Variants in XDH observed in about 807,000 individuals in gnomAD.
XDH encodes xanthine dehydrogenase/oxidase.
A neutral mutation model predicts 156.1 loss-of-function variants in XDH; 138 were observed. The observed-to-expected ratio is 0.88, with a 90% CI of 0.77 to 1.02. The LOEUF (loss-of-function observed/expected upper bound fraction) is 1.02. Among genes scored for constraint, XDH ranks in the 50% least tolerant of loss-of-function variants. The pLI, the probability that XDH is intolerant of heterozygous loss-of-function variation, is 0.00. For missense variants in XDH, 1,849 were observed against 1,684.9 expected (o/e 1.10, Z -1.71); for synonymous variants, 669 against 625.7 (o/e 1.07, Z -1.03).
chr2:31,387,023 GGAAGGAAGGAAGGAAGGAAGGAGT>G (rs1686626736), intron 8 of XDH, among the ~76,000 whole-genome samples: 2 of 141,750 alleles, frequency 1.4e-5, no homozygotes, highest in African/African-American at 5.5e-5. Context: ...AAGGAAGGAA[GGAAGGAAGGAAGGAAGGAAGGAGT>G]TTGTTATAAG....
At chr2:31,390,068 C>T (rs1361862019) in intron 6 of XDH, among the ~76,000 whole-genome samples, 1 of 152,176 alleles carries the variant, frequency 6.6e-6, no homozygotes, top group African/African-American at 2.4e-5. Flanking sequence ...TGGTGTTGTA[C>T]ATTCCATTGG....
At chr2:31,342,035 T>C in intron 32 of XDH, 148 bp downstream of exon 32, 1 of 720,836 alleles carries the variant, frequency 1.4e-6, no homozygotes. Flanking sequence ...ACACTTACTC[T>C]GTGGCCCTTT....
intron 24 of XDH, among the ~76,000 whole-genome samples, chr2:31,359,170 C>T (rs753803983): frequency 1.6e-4 from 25 of 152,022 alleles, no homozygotes; most frequent in African/African-American, 5.8e-4. Context: ...GATGTGGAAT[C>T]CCTAAAGATT....
intron 18 of XDH, 148 bp downstream of exon 18, chr2:31,370,207 G>T: frequency 3.4e-6 from 3 of 891,148 alleles, no homozygotes; most frequent in Admixed American, 2.4e-5. Context: ...CTATCTTTTT[G>T]GATTGTCCTG....
Position 31,379,945 on chromosome 2 carries a change from G to T in XDH, c.1164C>A (p.Thr388=). The T allele has an allele frequency of 1.2e-6, 2 of 1,614,108 alleles. No individual in the cohort carries two copies. The highest frequency in any genetic ancestry group is 8.5e-7 in the Non-Finnish European group (1 of 1,180,024). ...GTRRTVQMDH[T]FFPGYRKTLL... ...GGGTCTTTCTGTAGCCAGGGAAGAAGGTGTGGTCCATCTGGACAGTTCTCC... is the reference window on the plus strand; with the variant it reads ...GGGTCTTTCTGTAGCCAGGGAAGAATGTGTGGTCCATCTGGACAGTTCTCC... Residue 388 remains threonine, a synonymous_variant, in exon 13 of 36, where the codon ACC becomes ACA. Coordinates refer to ENST00000379416, the MANE Select transcript of XDH (RefSeq NM_000379.4).
intron 1 of XDH, among the ~76,000 whole-genome samples, chr2:31,410,514 G>C (rs1687313297): frequency 6.6e-6 from 1 of 152,026 alleles, no homozygotes; most frequent in Non-Finnish European, 1.5e-5. Flanking sequence ...AATTATAAAG[G>C]TAAAGAAAAG....
intron 6 of XDH, among the ~76,000 whole-genome samples, chr2:31,389,442 G>A (rs768505929): frequency 3.3e-5 from 5 of 152,124 alleles, no homozygotes; most frequent in Non-Finnish European, 7.4e-5. Flanking sequence ...CCTCCCCCCA[G>A]CCAGCCACCT....
intron 20 of XDH, 133 bp from the exon 21 acceptor site, chr2:31,367,127 T>A: frequency 6.8e-7 from 1 of 1,477,974 alleles, no homozygotes; most frequent in Non-Finnish European, 9.2e-7. Flanking sequence ...CCTCAAGGTT[T>A]CCCACTTGGG....
rs369682422 is a variant in XDH, at chr2:31,350,564, T to C, written c.2632-341A>G. 1.9e-4 allele frequency among the ~76,000 whole-genome samples: 29 copies of C among 151,866 alleles called. No individual in the cohort carries two copies. The South Asian group carries it at 3.1e-3, about 16-fold the overall frequency. The stretch of plus-strand genomic sequence containing the variant: ...CTAATTTTTGTATTTTTAGTAGAGA[T>C]GGGGTTTCACCATGTTGGCCTGGAA... On this transcript the variant is annotated intron_variant, in intron 24 of 35. Coordinates refer to ENST00000379416, the MANE Select transcript of XDH (RefSeq NM_000379.4).
chr2:31,386,937 AG>A (rs1686616037), intron 8 of XDH, among the ~76,000 whole-genome samples: 2 of 107,016 alleles, frequency 1.9e-5, no homozygotes, highest in South Asian at 8.4e-4. Context: ...GGAGGGAGGG[AG>A]GGAGAGAGGG....
chr2:31,384,680 CT>C (rs1272816977), intron 9 of XDH, among the ~76,000 whole-genome samples: 7 of 152,212 alleles, frequency 4.6e-5, no homozygotes, highest in Non-Finnish European at 1.0e-4. Context: ...TTTGCCCCCC[CT>C]TCCCCCCAGG....
Position 31,335,897 on chromosome 2 carries a change from T to C in XDH, c.*61A>G. The C allele has an allele frequency of 3.8e-6, 6 of 1,560,714 alleles. No homozygotes were observed. Among genetic ancestry groups the C allele is most frequent in the Non-Finnish European group, 5.3e-6 (6 of 1,131,400 alleles). Reference sequence around the variant, plus strand: ...TAATAGATCCATGTTCTGTGGTATGTTCCTCCTGCTCCATGGAAGCCCAAA... The same window carrying C: ...TAATAGATCCATGTTCTGTGGTATGCTCCTCCTGCTCCATGGAAGCCCAAA... On this transcript the variant is annotated 3_prime_UTR_variant, in exon 36 of 36. Coordinates refer to ENST00000379416, the MANE Select transcript of XDH (RefSeq NM_000379.4).
intron 1 of XDH, 116 bp downstream of exon 1, chr2:31,414,509 G>C (rs1464733487): frequency 2.1e-6 from 3 of 1,447,582 alleles, no homozygotes; most frequent in African/African-American, 2.8e-5. Context: ...GAGAGAGAAA[G>C]ACAGAACAAG....
In XDH at chr2:31,401,302, G is replaced by A. The variant is rs778268852; in HGVS notation, c.224C>T (p.Ala75Val). ...IVHFSANACL[A>V]PICSLHHVAV... The stretch of plus-strand genomic sequence containing the variant: ...AACATGGTGCAAGGAGCAGATGGGG[G>A]CCAGGCAGGCATTGGCAGAAAAGTG... The change falls in exon 4 of 36, where the codon GCC (alanine) becomes GTC (valine). Residue 75 changes from alanine (A) to valine (V), a missense_variant. Transcript: ENST00000379416. 12 of 1,614,060 alleles carry A rather than the reference G, an allele frequency of 7.4e-6. No homozygotes were observed. Among genetic ancestry groups the A allele is most frequent in the Admixed American group, 3.3e-5 (2 of 60,002 alleles).
chr2:31,348,463 G>T, intron 27 of XDH, 100 bp from the exon 28 acceptor site: 3 of 1,148,938 alleles, frequency 2.6e-6, no homozygotes, highest in Middle Eastern at 2.0e-4. Flanking sequence ...AGAACCAGCA[G>T]CATTTTGGAT....
intron 6 of XDH, among the ~76,000 whole-genome samples, chr2:31,393,264 T>C (rs1178875744): frequency 6.6e-6 from 1 of 152,236 alleles, no homozygotes; most frequent in African/African-American, 2.4e-5. Context: ...ATTCATCTAT[T>C]TGTCTCTGCA....
chr2:31,359,772 T>A (rs1411600450), intron 24 of XDH, among the ~76,000 whole-genome samples: 1 of 152,196 alleles, frequency 6.6e-6, no homozygotes, highest in Admixed American at 6.5e-5. Flanking sequence ...CTCAAATTAA[T>A]CAATATTCGG....
chr2:31,371,020 C>A (rs1015103171), intron 17 of XDH, among the ~76,000 whole-genome samples: 4 of 152,222 alleles, frequency 2.6e-5, no homozygotes, highest in African/African-American at 9.6e-5. Context: ...CCGGCTGTGC[C>A]ACTGATCCAA....
At chr2:31,388,156 G>A in intron 7 of XDH, 71 bp downstream of exon 7, 1 of 1,545,270 alleles carries the variant, frequency 6.5e-7, no homozygotes, top group Non-Finnish European at 8.9e-7. Flanking sequence ...CCAGGGACAT[G>A]GAGCTCGTGC....
Sources: gnomAD v4.1 joint callset for allele counts (sites outside exome capture counted in the v4.1 genomes callset) on GRCh38, gnomAD v4.1.1 for gene constraint, MANE v1.5 for transcripts, NCBI Gene and HGNC (gene_info 2026-07-23, HGNC 2026-07-21) for gene names.